The following ATP11B variants were observed in gnomAD, a reference collection of about 807,000 sequenced individuals.
The protein encoded by ATP11B is ATPase phospholipid transporting 11B (putative).
In ATP11B, 81 loss-of-function variants were observed where a neutral mutation model predicts 157.8. That is an observed-to-expected ratio of 0.51 (90% confidence interval 0.43 to 0.62). The LOEUF (loss-of-function observed/expected upper bound fraction) is 0.62, where lower values mean the gene tolerates loss of function less well. ATP11B is among the 20% of genes least tolerant of loss of function. ATP11B has a pLI of 0.00. For synonymous variants in ATP11B, 451 were observed against 469.4 expected (o/e 0.96, Z 0.51); for missense variants, 1,165 against 1,402.2 (o/e 0.83, Z 2.70).
chr3:182,798,479 T>C (rs554430778), intron 1 of ATP11B, among the ~76,000 whole-genome samples: 3 of 152,220 alleles, frequency 2.0e-5, no homozygotes, highest in Non-Finnish European at 2.9e-5. Context: ...TTTAAGAACC[T>C]AGATCTGTGA....
intron 15 of ATP11B, among the ~76,000 whole-genome samples, chr3:182,868,671 C>G (rs1182861940): frequency 6.6e-6 from 1 of 152,124 alleles, no homozygotes; most frequent in Admixed American, 6.5e-5. Context: ...CGTTGAGAAT[C>G]AGTTACCTTT....
Position 182,850,109 on chromosome 3 carries a change from A to G in ATP11B, c.851+1552A>G, listed in dbSNP as rs142823587. Among the ~76,000 whole-genome samples, 639 of 152,352 alleles carry G rather than the reference A, an allele frequency of 4.2e-3. 22 individuals are homozygous for G. The highest frequency in any genetic ancestry group is 0.04 in the Admixed American group (611 of 15,296). ...GGGGAAAGGACATCCTCTTCAGGAAATGATGCTGGGAAAATTGGATAGCTA... is the reference window on the plus strand; with the variant it reads ...GGGGAAAGGACATCCTCTTCAGGAAGTGATGCTGGGAAAATTGGATAGCTA... On this transcript the variant is annotated intron_variant, in intron 10 of 29. Transcript: ENST00000323116.
At chr3:182,912,787 A>G (rs1724882444) in intron 28 of ATP11B, among the ~76,000 whole-genome samples, 1 of 152,162 alleles carries the variant, frequency 6.6e-6, no homozygotes, top group African/African-American at 2.4e-5. Context: ...CACCCAGCAC[A>G]TGGTGATTCC....
At chr3:182,803,936 T>C (rs1036853864) in intron 1 of ATP11B, among the ~76,000 whole-genome samples, 3 of 152,234 alleles carry the variant, frequency 2.0e-5, no homozygotes, top group African/African-American at 7.2e-5. Context: ...GTCTTAATTA[T>C]AGTATTTTAA....
rs555153316 is a variant in ATP11B at position 182,874,078 on chromosome 3, C to T, written c.2252+63C>T. On this transcript the variant is annotated intron_variant, in intron 19 of 29. Coordinates refer to ENST00000323116, the MANE Select transcript of ATP11B (RefSeq NM_014616.3). The stretch of plus-strand genomic sequence containing the variant: ...TTAGCAAACTATGGTTCCCTGGGCC[C>T]GATGATATAGCCCACTGTCACTGCC... 4.9e-5 allele frequency: 71 copies of T among 1,440,224 alleles called. 1 individual carries two copies. In the East Asian group the frequency reaches 1.7e-3, roughly 34 times the overall value. 89.2% of individuals were successfully genotyped at this position (1,440,224 alleles called of 1,614,324 possible).
intron 17 of ATP11B, among the ~76,000 whole-genome samples, chr3:182,869,755 T>A (rs545923489): frequency 6.6e-6 from 1 of 152,208 alleles, no homozygotes; most frequent in Non-Finnish European, 1.5e-5. Context: ...TACTCCTGGG[T>A]GGACACCCAA....
In ATP11B at chr3:182,919,416, A is replaced by C. The variant is rs1483240560; in HGVS notation, c.*1312A>C. 1 of 152,588 alleles carries C rather than the reference A, an allele frequency of 6.6e-6. No individual in the cohort carries two copies. Among genetic ancestry groups the C allele is most frequent in the Non-Finnish European group, 1.5e-5 (1 of 68,022 alleles). The allele number at this position is 152,588 out of a possible 1,614,324, so 9.5% of individuals were successfully genotyped here. On this transcript the variant is annotated 3_prime_UTR_variant, in exon 30 of 30. Transcript: ENST00000323116. The stretch of plus-strand genomic sequence containing the variant: ...TGTAATTAACTCATTGCACTTCAAA[A>C]CCTAACTTCCATCCTGAATTTATCA...
chr3:182,865,097 T>A (rs999614402), intron 12 of ATP11B, among the ~76,000 whole-genome samples: 1 of 152,106 alleles, frequency 6.6e-6, no homozygotes. Flanking sequence ...TTATTAAGCA[T>A]CCTTTCCACC....
In ATP11B at chr3:182,898,600, T is replaced by A; in HGVS notation, c.3153-7T>A. 1 of 1,584,218 alleles carries A rather than the reference T, an allele frequency of 6.3e-7. No individual in the cohort carries two copies. The highest frequency in any genetic ancestry group is 1.2e-5 in the South Asian group (1 of 84,730). On this transcript the variant is annotated splice_polypyrimidine_tract_variant and splice_region_variant and intron_variant, in intron 27 of 29. Coordinates refer to ENST00000323116, the MANE Select transcript of ATP11B (RefSeq NM_014616.3). ...ACTTTTATTAAGCACATTTTCTTTCTTTGCAGGCCATTTTTGGGCTCCCAG... is the reference window on the plus strand; with the variant it reads ...ACTTTTATTAAGCACATTTTCTTTCATTGCAGGCCATTTTTGGGCTCCCAG...
rs753217518 is a variant in ATP11B at position 182,866,470 on chromosome 3, C to T, written c.1619+27C>T. On this transcript the variant is annotated intron_variant, in intron 14 of 29. Transcript: ENST00000323116. ...TAATTTAGTCTGATTTCCAAATCTTCGGAAAAACACCATTTAAATAAATGT... is the reference window on the plus strand; with the variant it reads ...TAATTTAGTCTGATTTCCAAATCTTTGGAAAAACACCATTTAAATAAATGT... The T allele has an allele frequency of 1.1e-5, 16 of 1,466,684 alleles. No individual in the cohort carries two copies. In the South Asian group the frequency reaches 1.2e-4, roughly 11 times the overall value. 90.9% of individuals were successfully genotyped at this position (1,466,684 alleles called of 1,614,324 possible).
chr3:182,860,618 T>G (rs560724046), intron 12 of ATP11B, among the ~76,000 whole-genome samples: 1 of 152,362 alleles, frequency 6.6e-6, no homozygotes, highest in South Asian at 2.1e-4. Context: ...GTTTTGAAAC[T>G]TACTATTTGC....
At position 182,871,908 on chromosome 3, in the gene ATP11B, C is replaced by T. The variant is rs113084048; in HGVS notation, c.1867-448C>T. Among the ~76,000 whole-genome samples, 553 of 152,124 alleles carry T rather than the reference C, an allele frequency of 3.6e-3. 6 individuals carry two copies. The highest frequency in any genetic ancestry group is 0.012 in the African/African-American group (493 of 41,486). Reference sequence around the variant, plus strand: ...TCGGCTCACTGCAAGCTCCACCTCCCGGGTTCACGCCATTCTCCTGCCTCA... The same window carrying T: ...TCGGCTCACTGCAAGCTCCACCTCCTGGGTTCACGCCATTCTCCTGCCTCA... On this transcript the variant is annotated intron_variant, in intron 17 of 29. Coordinates refer to ENST00000323116, the MANE Select transcript of ATP11B (RefSeq NM_014616.3).
chr3:182,872,574 T>G, intron 18 of ATP11B, 37 bp downstream of exon 18: 5 of 1,494,682 alleles, frequency 3.3e-6, no homozygotes, highest in Non-Finnish European at 4.5e-6. Context: ...TACTTTTCTC[T>G]CATAGGAATT....
intron 19 of ATP11B, 71 bp from the exon 20 acceptor site, chr3:182,879,425 T>G: frequency 1.5e-6 from 2 of 1,304,972 alleles, no homozygotes; most frequent in Middle Eastern, 2.3e-4. Flanking sequence ...TAAGAATGTG[T>G]TGTTCTATAT....
chr3:182,866,923 A>G (rs1721281821), intron 14 of ATP11B, among the ~76,000 whole-genome samples: 1 of 94,732 alleles, frequency 1.1e-5, no homozygotes, highest in Admixed American at 1.1e-4. Flanking sequence ...TATATAAAAT[A>G]TATATATATT....
chr3:182,884,552 T>C (rs932203745), intron 21 of ATP11B, among the ~76,000 whole-genome samples: 1 of 152,158 alleles, frequency 6.6e-6, no homozygotes, highest in Non-Finnish European at 1.5e-5. Flanking sequence ...AAATTGGTGT[T>C]ATGTGTCTGA....
rs554089014 is a variant in ATP11B at position 182,918,396 on chromosome 3, T to G, written c.*292T>G. 8.0e-5 allele frequency: 32 copies of G among 401,762 alleles called. No homozygotes were observed. Among genetic ancestry groups the G allele is most frequent in the Middle Eastern group, 6.3e-4 (1 of 1,596 alleles). 24.9% of individuals were successfully genotyped at this position (401,762 alleles called of 1,614,324 possible). A position where few individuals can be genotyped will look rare whatever the true frequency, so the allele number is the denominator to read the frequency against. ...GACTCCTAATGGCATTTCAGTCTGT[T>G]GCTGAGGCCATTATATTTTAATATA... On this transcript the variant is annotated 3_prime_UTR_variant, in exon 30 of 30. Coordinates refer to ENST00000323116, the MANE Select transcript of ATP11B (RefSeq NM_014616.3).
chr3:182,879,385 AG>A, intron 19 of ATP11B, 110 bp from the exon 20 acceptor site: 1 of 910,052 alleles, frequency 1.1e-6, no homozygotes, highest in Non-Finnish European at 1.6e-6. Flanking sequence ...TGTAACAGTA[AG>A]GGCTGTGGGT....
intron 28 of ATP11B, 136 bp from the exon 29 acceptor site, chr3:182,913,725 T>C (rs1287431446): frequency 7.0e-7 from 1 of 1,433,078 alleles, no homozygotes; most frequent in Non-Finnish European, 9.5e-7. Flanking sequence ...GCCTTTCATA[T>C]GTTTCCCATA....
Sources: gnomAD v4.1 joint callset for allele counts (sites outside exome capture counted in the v4.1 genomes callset) on GRCh38, gnomAD v4.1.1 for gene constraint, MANE v1.5 for transcripts, NCBI Gene and HGNC (gene_info 2026-07-23, HGNC 2026-07-21) for gene names.